Variants in CERT1 observed in about 807,000 individuals in gnomAD.
The protein encoded by CERT1 is ceramide transfer protein.
Under a neutral mutation model 87.9 loss-of-function variants are expected in CERT1, and 31 were observed. That is an observed-to-expected ratio of 0.35 (90% CI 0.27 to 0.48). The LOEUF (loss-of-function observed/expected upper bound fraction) is 0.48, where lower values mean the gene tolerates loss of function less well. Ranked by LOEUF, CERT1 falls within the 20% of genes least tolerant of loss-of-function variation. The pLI is 0.99. For missense variants in CERT1, 487 were observed against 758.0 expected, an observed-to-expected ratio of 0.64 and a Z score of 4.20; for synonymous variants, 289 against 250.9, an observed-to-expected ratio of 1.15 and a Z score of -1.44.
At chr5:75,416,828 T>G (rs769408636) in intron 7 of CERT1, 48 bp downstream of exon 7, 1 of 1,476,302 alleles carries the variant, frequency 6.8e-7, no homozygotes. Flanking sequence ...AAACAATACG[T>G]AAAACTTAAA....
chr5:75,447,347 T>C (rs1764587432), intron 3 of CERT1, among the ~76,000 whole-genome samples: 1 of 152,162 alleles, frequency 6.6e-6, no homozygotes, highest in Non-Finnish European at 1.5e-5. Flanking sequence ...CCATCCATAA[T>C]GTTTTTGAAG....
At chr5:75,425,292 C>G in intron 5 of CERT1, 69 bp downstream of exon 5, 10 of 1,450,746 alleles carry the variant, frequency 6.9e-6, no homozygotes, top group Non-Finnish European at 9.5e-6. Context: ...AAGACATTAC[C>G]CTTTGAGATC....
intron 3 of CERT1, among the ~76,000 whole-genome samples, chr5:75,449,304 A>G (rs1764682602): frequency 6.6e-6 from 1 of 152,190 alleles, no homozygotes; most frequent in Non-Finnish European, 1.5e-5. Context: ...GAGAAAAGAA[A>G]TAATAGGATG....
rs138686701 is a variant in CERT1, at chr5:75,418,500, T to C, written c.679+841A>G. ...TCTACTCCTAGGTATTTACCCAAAA[T>C]AAATACAATAAATTTCCATGAATAG... is the stretch of plus-strand genomic sequence containing the variant. On this transcript the variant is annotated intron_variant, in intron 6 of 16. Coordinates refer to ENST00000643780, the MANE Select transcript of CERT1 (RefSeq NM_001379029.1). Among the ~76,000 whole-genome samples, 22 of 152,248 alleles carry C rather than the reference T, an allele frequency of 1.4e-4. No individual in the cohort carries two copies. The South Asian group carries it at 2.1e-3, about 14-fold the overall frequency.
intron 1 of CERT1, among the ~76,000 whole-genome samples, chr5:75,510,663 T>C (rs1417215389): frequency 6.6e-6 from 1 of 152,054 alleles, no homozygotes; most frequent in African/African-American, 2.4e-5. Flanking sequence ...CCAAGCTGAG[T>C]CGCTCCAGCT....
intron 1 of CERT1, among the ~76,000 whole-genome samples, chr5:75,508,025 C>T (rs1767736136): frequency 6.6e-6 from 1 of 152,104 alleles, no homozygotes; most frequent in Admixed American, 6.5e-5. Flanking sequence ...TCATAATTTA[C>T]ACAAGCTTAT....
At chr5:75,492,044 T>C (rs910849782) in intron 2 of CERT1, among the ~76,000 whole-genome samples, 1 of 152,128 alleles carries the variant, frequency 6.6e-6, no homozygotes, top group Non-Finnish European at 1.5e-5. Flanking sequence ...ATTTATATTT[T>C]AAAAAATCTG....
rs1488535488 is a variant in CERT1, at chr5:75,411,106, A to G, written c.838-3T>C. ...GTTCTTCTTTTCTTCTCAGTTTCCT[A>G]TTAAAAAGAAGTGAAAAATCTGTAA... On this transcript the variant is annotated splice_region_variant and splice_polypyrimidine_tract_variant and intron_variant, in intron 7 of 16. Transcript: ENST00000643780. 6.6e-7 allele frequency: 1 copy of G among 1,516,652 alleles called. No homozygotes were observed. The highest frequency in any genetic ancestry group is 9.0e-7 in the Non-Finnish European group (1 of 1,111,064). 93.9% of individuals were successfully genotyped at this position (1,516,652 alleles called of 1,614,324 possible).
chr5:75,486,398 T>A (rs1337512765), intron 2 of CERT1, among the ~76,000 whole-genome samples: 2 of 152,042 alleles, frequency 1.3e-5, no homozygotes, highest in African/African-American at 4.8e-5. Context: ...TCATAATAAA[T>A]GGAACAAAAG....
At chr5:75,491,485 T>C (rs6896136) in intron 2 of CERT1, among the ~76,000 whole-genome samples, 82,577 of 151,910 alleles carry the variant, frequency 0.54, 25,629 homozygotes, top group African/African-American at 0.87. Flanking sequence ...CTCTGATCTG[T>C]CTGGTTAGTT....
intron 12 of CERT1, among the ~76,000 whole-genome samples, chr5:75,388,313 T>C (rs1314036103): frequency 6.6e-6 from 1 of 152,130 alleles, no homozygotes; most frequent in Non-Finnish European, 1.5e-5. Context: ...TATTATATCT[T>C]ATTTGCTAGA....
chr5:75,418,227 C>A (rs188021474), intron 6 of CERT1, among the ~76,000 whole-genome samples: 1 of 152,214 alleles, frequency 6.6e-6, no homozygotes, highest in Non-Finnish European at 1.5e-5. Context: ...CACCAAAGAG[C>A]AGATATAAAT....
intron 3 of CERT1, among the ~76,000 whole-genome samples, chr5:75,438,091 T>C (rs990395732): frequency 6.6e-6 from 1 of 152,100 alleles, no homozygotes; most frequent in African/African-American, 2.4e-5. Flanking sequence ...GATTTTAGAA[T>C]AAAAATTAAA....
At chr5:75,402,857 T>A in intron 9 of CERT1, 115 bp downstream of exon 9, 1 of 631,354 alleles carries the variant, frequency 1.6e-6, no homozygotes, top group East Asian at 2.7e-5. Context: ...CAGTTAAGCT[T>A]CTAGGTTATT....
At chr5:75,393,335 TAA>T (rs1304061285) in intron 11 of CERT1, among the ~76,000 whole-genome samples, 1 of 151,770 alleles carries the variant, frequency 6.6e-6, no homozygotes, top group East Asian at 1.9e-4. Flanking sequence ...ACATTTGAGA[TAA>T]GAGGGGACGT....
At chr5:75,373,975 GTA>G, downstream of CERT1, 1 of 397,496 alleles carries the variant, frequency 2.5e-6, no homozygotes, top group Non-Finnish European at 4.4e-6. Context: ...AATTTTACAT[GTA>G]TTTATAGTTA....
intron 2 of CERT1, among the ~76,000 whole-genome samples, chr5:75,467,657 A>G (rs1023955345): frequency 2.0e-5 from 3 of 151,716 alleles, no homozygotes; most frequent in African/African-American, 7.2e-5. Context: ...AAAGAAAAAA[A>G]AAAAAAAAAA....
At chr5:75,491,414 T>A (rs1766791432) in intron 2 of CERT1, among the ~76,000 whole-genome samples, 2 of 152,212 alleles carry the variant, frequency 1.3e-5, no homozygotes, top group Non-Finnish European at 2.9e-5. Context: ...TAAATCACAT[T>A]TAAATGGCTG....
chr5:75,400,325 G>A (rs1762418801), intron 9 of CERT1, 28 bp from the exon 10 acceptor site: 5 of 1,523,170 alleles, frequency 3.3e-6, no homozygotes, highest in Non-Finnish European at 4.5e-6. Flanking sequence ...ATTAAGATGG[G>A]AAGGTTTTAA....
Sources: gnomAD v4.1 joint callset for allele counts (sites outside exome capture counted in the v4.1 genomes callset) on GRCh38, gnomAD v4.1.1 for gene constraint, MANE v1.5 for transcripts, NCBI Gene and HGNC (gene_info 2026-07-23, HGNC 2026-07-21) for gene names.